Variants in ADGRL3 observed in about 807,000 individuals in gnomAD.
ADGRL3 encodes calcium-independent alpha-latrotoxin receptor 3.
ADGRL3 carries 62 observed loss-of-function variants against 153.5 expected under a neutral mutation model. The ratio of observed to expected loss-of-function variants is 0.40; its 90% CI spans 0.33 to 0.50. ADGRL3 has a LOEUF of 0.50. Ranked by LOEUF, ADGRL3 falls within the 20% of genes least tolerant of loss-of-function variation. ADGRL3 has a pLI of 0.47. For synonymous variants in ADGRL3, 710 were observed against 672.5 expected (o/e 1.06, Z -0.86); for missense variants, 1,641 against 1,859.4 (o/e 0.88, Z 2.16).
rs185254827 is a variant in ADGRL3, at chr4:62,070,921, A to C, written c.*13A>C. On this transcript the variant is annotated 3_prime_UTR_variant, in exon 27 of 27. Transcript: ENST00000683033. The stretch of plus-strand genomic sequence containing the variant: ...CACTAGTCTATAGAAGATGACACAG[A>C]AATTGGAACCAACAAAACTGCTAAC... 38 of 1,527,864 alleles carry C rather than the reference A, an allele frequency of 2.5e-5. No homozygotes were observed. In the African/African-American group the frequency reaches 4.2e-4, roughly 17 times the overall value. 94.6% of individuals were successfully genotyped at this position (1,527,864 alleles called of 1,614,324 possible). A position where few individuals can be genotyped will look rare whatever the true frequency, so the allele number is the denominator to read the frequency against.
intron 2 of ADGRL3, among the ~76,000 whole-genome samples, chr4:61,387,209 G>A (rs757985300): frequency 7.9e-5 from 12 of 152,124 alleles, no homozygotes; most frequent in African/African-American, 1.9e-4. Context: ...GGGAGTGTGC[G>A]AAGAGGTGTG....
chr4:61,414,648 C>G (rs2097126505), intron 2 of ADGRL3, among the ~76,000 whole-genome samples: 1 of 151,222 alleles, frequency 6.6e-6, no homozygotes, highest in Admixed American at 6.6e-5. Flanking sequence ...GAGACAGAGA[C>G]AGTCAAAATA....
chr4:61,829,859 T>C (rs2097850211), intron 9 of ADGRL3, among the ~76,000 whole-genome samples: 1 of 152,110 alleles, frequency 6.6e-6, no homozygotes, highest in Non-Finnish European at 1.5e-5. Flanking sequence ...ACTGGTACTT[T>C]GTAGGCTTTA....
intron 5 of ADGRL3, among the ~76,000 whole-genome samples, chr4:61,591,831 C>A (rs1452598943): frequency 1.3e-5 from 2 of 151,822 alleles, no homozygotes; most frequent in Non-Finnish European, 2.9e-5. Context: ...AATCGCAGCC[C>A]TTTGGGAGGC....
chr4:61,247,181 TATC>T (rs1225268713), intron 1 of ADGRL3, among the ~76,000 whole-genome samples: 2 of 152,012 alleles, frequency 1.3e-5, no homozygotes, highest in East Asian at 3.9e-4. Context: ...ACCATTAAGT[TATC>T]ATATATTTAT....
At chr4:61,681,277 TG>T (rs1312490069) in intron 6 of ADGRL3, among the ~76,000 whole-genome samples, 1 of 152,156 alleles carries the variant, frequency 6.6e-6, no homozygotes, top group East Asian at 1.9e-4. Context: ...ATCTTTACTT[TG>T]TATCCTGCTG....
chr4:61,739,143 C>A (rs1196272271), intron 8 of ADGRL3, among the ~76,000 whole-genome samples: 1 of 151,944 alleles, frequency 6.6e-6, no homozygotes, highest in African/African-American at 2.4e-5. Flanking sequence ...CAAATAATTT[C>A]TTAAAATTTT....
chr4:61,206,367 C>A (rs1285376001), intron 1 of ADGRL3, among the ~76,000 whole-genome samples: 1 of 152,194 alleles, frequency 6.6e-6, no homozygotes, highest in Non-Finnish European at 1.5e-5. Flanking sequence ...GGCAAAACTT[C>A]CATGTCAGTT....
At chr4:61,631,136 C>T (rs151130479) in intron 5 of ADGRL3, among the ~76,000 whole-genome samples, 40 of 152,162 alleles carry the variant, frequency 2.6e-4, no homozygotes, top group Middle Eastern at 3.4e-3. Context: ...GTTTTCTTTT[C>T]GTTGTTCCTT....
At chr4:61,364,141 C>T (rs1399330251) in intron 1 of ADGRL3, among the ~76,000 whole-genome samples, 1 of 151,482 alleles carries the variant, frequency 6.6e-6, no homozygotes, top group Admixed American at 6.6e-5. Flanking sequence ...ATCATCCTGG[C>T]CAACATGTTG....
intron 2 of ADGRL3, among the ~76,000 whole-genome samples, chr4:61,454,376 C>T (rs2097709810): frequency 6.6e-6 from 1 of 151,938 alleles, no homozygotes. Flanking sequence ...GAATAATATT[C>T]AGATATCTTA....
At chr4:61,455,498 C>G (rs1172816040) in intron 2 of ADGRL3, among the ~76,000 whole-genome samples, 1 of 151,842 alleles carries the variant, frequency 6.6e-6, no homozygotes, top group Admixed American at 6.6e-5. Context: ...CCATCTAGGC[C>G]CTGAGATTGT....
chr4:61,271,474 A>G (rs532925519), intron 1 of ADGRL3, among the ~76,000 whole-genome samples: 18 of 152,128 alleles, frequency 1.2e-4, no homozygotes, highest in African/African-American at 4.3e-4. Context: ...ACACACATCA[A>G]TGTGAAGTAG....
chr4:61,277,650 C>A (rs78763739), intron 1 of ADGRL3, among the ~76,000 whole-genome samples: 2,829 of 152,122 alleles, frequency 0.019, 91 homozygotes, highest in African/African-American at 0.064. Flanking sequence ...TCCAGAGCCA[C>A]GCCTTGCCAG....
chr4:61,920,212 C>A (rs189575586), intron 13 of ADGRL3, among the ~76,000 whole-genome samples: 1 of 152,254 alleles, frequency 6.6e-6, no homozygotes, highest in Admixed American at 6.5e-5. Context: ...AGAGAATACA[C>A]ATCAATTTAC....
intron 1 of ADGRL3, among the ~76,000 whole-genome samples, chr4:61,291,212 A>ACGCACACACT: frequency 4.0e-5 from 1 of 24,878 alleles, no homozygotes; most frequent in Non-Finnish European, 1.8e-4. Flanking sequence ...ACACACACAC[A>ACGCACACACT]CACACGCACA....
intron 1 of ADGRL3, among the ~76,000 whole-genome samples, chr4:61,381,293 T>TTGTG (rs55767359): frequency 0.038 from 5,389 of 141,360 alleles, 120 homozygotes; most frequent in Middle Eastern, 0.065. Context: ...ATAAACAAGT[T>TTGTG]TGTGTGTGTG....
intron 17 of ADGRL3, among the ~76,000 whole-genome samples, chr4:61,969,217 A>C (rs1352686750): frequency 6.6e-6 from 1 of 152,174 alleles, no homozygotes; most frequent in South Asian, 2.1e-4. Flanking sequence ...GAACAAAATG[A>C]TAATGAATGT....
rs1318138265 is a variant in ADGRL3, at chr4:62,070,833, A to G, written c.4557A>G (p.Ile1519Met). 6 of 1,551,736 alleles carry G rather than the reference A, an allele frequency of 3.9e-6. No individual in the cohort carries two copies. Among genetic ancestry groups the G allele is most frequent in the Non-Finnish European group, 4.4e-6 (5 of 1,146,968 alleles). ...GTCGCGGCAGCAGTGATGGATTTAT[A>G]GTTCCTCCAAACAAAGATGGGACCC... Reference protein sequence around the residue: ...QLGRGSSDGFIVPPNKDGTPP... With the variant: ...QLGRGSSDGFMVPPNKDGTPP... The change falls in exon 27 of 27, where the codon ATA (isoleucine) becomes ATG (methionine). Residue 1519 changes from isoleucine to methionine, a missense_variant. Around this residue, in one of 5 missense-constraint regions of ADGRL3, gnomAD observed 517 missense variants for 555.0 expected, o/e 0.93. Transcript: ENST00000683033.
Sources: allele counts gnomAD v4.1 joint callset (sites outside exome capture counted in the v4.1 genomes callset), GRCh38; gene constraint gnomAD v4.1.1; regional missense constraint gnomAD v4.1.1; transcripts MANE v1.5; gene names NCBI Gene and HGNC (gene_info 2026-07-23, HGNC 2026-07-21).